Variants in BLTP1 observed in about 807,000 individuals in gnomAD.
The protein encoded by BLTP1 is bridge-like lipid transfer protein family member 1.
the BLTP1 span, chr4:122,344,065 C>T: frequency 5.7e-6 from 5 of 884,862 alleles, no homozygotes; most frequent in Admixed American, 1.2e-4. Flanking sequence ...ACTGCAAATG[C>T]ATAAAAGCTT....
At chr4:122,357,565 T>G in the BLTP1 span, among the ~76,000 whole-genome samples, 1 of 144,108 alleles carries the variant, frequency 6.9e-6, no homozygotes, top group African/African-American at 2.6e-5. Context: ...AGAGATCCTG[T>G]CTCAAAAAAA....
the BLTP1 span, among the ~76,000 whole-genome samples, chr4:122,228,536 T>A: frequency 6.6e-6 from 1 of 152,218 alleles, no homozygotes; most frequent in East Asian, 1.9e-4. Flanking sequence ...GCTCTGCCAC[T>A]AATGAGCATT....
the BLTP1 span, chr4:122,238,081 T>G: frequency 6.2e-7 from 1 of 1,612,150 alleles, no homozygotes; most frequent in South Asian, 1.1e-5. Flanking sequence ...ACCCACCTTT[T>G]GTTTGTTTAG....
chr4:122,282,806 A>G, the BLTP1 span, among the ~76,000 whole-genome samples: 2 of 152,046 alleles, frequency 1.3e-5, no homozygotes, highest in Non-Finnish European at 2.9e-5. Flanking sequence ...GGAATCTCAC[A>G]TTTTTTAACT....
chr4:122,288,974 C>A, the BLTP1 span: 2 of 1,218,518 alleles, frequency 1.6e-6, no homozygotes, highest in Middle Eastern at 2.3e-4. Context: ...ATATTGATTT[C>A]AAATCATATA....
At chr4:122,256,058 T>C in the BLTP1 span, 3 of 983,576 alleles carry the variant, frequency 3.1e-6, no homozygotes, top group Non-Finnish European at 3.6e-6. Flanking sequence ...TCTCTGCCTC[T>C]GGAAAAGCAG....
the BLTP1 span, chr4:122,238,118 GA>G: frequency 6.2e-7 from 1 of 1,613,964 alleles, no homozygotes; most frequent in Non-Finnish European, 8.5e-7. Context: ...GAAGAGGAAA[GA>G]ATGGGAAAAC....
the BLTP1 span, among the ~76,000 whole-genome samples, chr4:122,297,184 C>G: frequency 6.6e-6 from 1 of 151,962 alleles, no homozygotes; most frequent in Non-Finnish European, 1.5e-5. Context: ...GATGTAATAT[C>G]CAGAGTCTAC....
the BLTP1 span, chr4:122,359,945 T>A: frequency 1.0e-6 from 1 of 985,332 alleles, no homozygotes; most frequent in Non-Finnish European, 1.2e-6. Flanking sequence ...CACTGATGAG[T>A]TGTCCAATGG....
At chr4:122,196,169 G>T in the BLTP1 span, among the ~76,000 whole-genome samples, 1 of 152,080 alleles carries the variant, frequency 6.6e-6, no homozygotes, top group Non-Finnish European at 1.5e-5. Context: ...ATTCTTCCAT[G>T]TGCCATGCAC....
At chr4:122,187,287 C>T in the BLTP1 span, 4 of 1,400,460 alleles carry the variant, frequency 2.9e-6, no homozygotes, top group African/African-American at 1.5e-5. Flanking sequence ...TTCAGATGAT[C>T]ATTGTTCTGT....
chr4:122,195,525 G>A, the BLTP1 span: 1 of 152,006 alleles, frequency 6.6e-6, no homozygotes, highest in East Asian at 1.9e-4. Flanking sequence ...CAGATGTAAT[G>A]AACTCATTAA....
At chr4:122,276,464 G>A in the BLTP1 span, 40 of 980,992 alleles carry the variant, frequency 4.1e-5, no homozygotes, top group African/African-American at 6.0e-4. Context: ...GGGGAGAGTT[G>A]ACTACTCTGT....
At chr4:122,220,428 T>C in the BLTP1 span, 1 of 1,612,128 alleles carries the variant, frequency 6.2e-7, no homozygotes, top group African/African-American at 1.3e-5. Context: ...TGCTGCAACT[T>C]ATCCTGTCAC....
the BLTP1 span, among the ~76,000 whole-genome samples, chr4:122,248,865 C>T: frequency 1.3e-5 from 2 of 151,920 alleles, no homozygotes; most frequent in Non-Finnish European, 2.9e-5. Context: ...AACAAGTTCT[C>T]CTTGAATGGT....
chr4:122,348,958 G>A, the BLTP1 span: 1 of 545,256 alleles, frequency 1.8e-6, no homozygotes, highest in South Asian at 3.9e-5. Flanking sequence ...TAATTTTCTA[G>A]CTTTTCTAGC....
At chr4:122,328,353 C>T in the BLTP1 span, 1 of 1,606,040 alleles carries the variant, frequency 6.2e-7, no homozygotes, top group Non-Finnish European at 8.5e-7. Context: ...TTACAGGAAA[C>T]CCTCGTGAGT....
chr4:122,253,718 G>A, the BLTP1 span, among the ~76,000 whole-genome samples: 6 of 152,050 alleles, frequency 3.9e-5, no homozygotes, highest in African/African-American at 1.2e-4. Flanking sequence ...GAGAAAGACG[G>A]GTGGAAAGTT....
the BLTP1 span, chr4:122,257,625 TCTTTAAAAA>T: frequency 2.5e-6 from 2 of 808,358 alleles, no homozygotes; most frequent in Non-Finnish European, 4.0e-6. Context: ...TTAATATACC[TCTTTAAAAA>T]TGTCAAGACC....
Sources: allele counts gnomAD v4.1 joint callset (sites outside exome capture counted in the v4.1 genomes callset), GRCh38; gene constraint gnomAD v4.1.1; transcripts MANE v1.5; gene names NCBI Gene and HGNC (gene_info 2026-07-23, HGNC 2026-07-21).